The following FAM47E variants were observed in gnomAD, a reference collection of about 807,000 sequenced individuals.
The protein encoded by FAM47E is protein FAM47E.
FAM47E carries 32 observed loss-of-function variants against 41.6 expected under a neutral mutation model. The observed-to-expected ratio is 0.77, with a 90% CI of 0.58 to 1.03. The LOEUF (loss-of-function observed/expected upper bound fraction) is 1.03, where lower values mean the gene tolerates loss of function less well. Among genes scored for constraint, FAM47E ranks in the 50% least tolerant of loss-of-function variants. The pLI, the probability that FAM47E is intolerant of heterozygous loss-of-function variation, is 0.00. For missense variants in FAM47E, 424 were observed against 485.4 expected (o/e 0.87, Z 1.19); for synonymous variants, 184 against 188.7 (o/e 0.98, Z 0.20).
At chr4:76,274,008 C>CATAGTTAT (rs1487196911) in intron 5 of FAM47E, among the ~76,000 whole-genome samples, 3 of 152,142 alleles carry the variant, frequency 2.0e-5, no homozygotes, top group African/African-American at 7.2e-5. Context: ...GCATAAAAAA[C>CATAGTTAT]ATAGTTATAA....
intron 2 of FAM47E, among the ~76,000 whole-genome samples, chr4:76,227,874 C>T (rs963821651): frequency 2.0e-5 from 3 of 152,098 alleles, no homozygotes; most frequent in Non-Finnish European, 2.9e-5. Context: ...TGTTCATTTG[C>T]CTAGAATATC....
chr4:76,278,439 C>T (rs921073744), intron 6 of FAM47E: 22 of 466,958 alleles, frequency 4.7e-5, no homozygotes, highest in Non-Finnish European at 2.9e-5. Context: ...GTAGACATGA[C>T]ATCTCTAAAG....
rs999860333 is a variant in FAM47E, at chr4:76,280,360, C to G, written c.1104+19C>G. ...GCCACGTGTGAGTAAAGGGTCCTTT[C>G]AGAAGGCCCTGCTGAGGGGCTTCAT... On this transcript the variant is annotated intron_variant, in intron 7 of 7. Transcript: ENST00000424749. 15 of 1,425,348 alleles carry G rather than the reference C, an allele frequency of 1.1e-5. No homozygotes were observed. In the African/African-American group the frequency reaches 2.0e-4, roughly 19 times the overall value. The allele number at this position is 1,425,348 out of a possible 1,614,324, so 88.3% of individuals were successfully genotyped here. A position where few individuals can be genotyped will look rare whatever the true frequency, so the allele number is the denominator to read the frequency against.
chr4:76,255,752 G>C (rs1734163065), intron 1 of FAM47E, among the ~76,000 whole-genome samples: 1 of 152,122 alleles, frequency 6.6e-6, no homozygotes, highest in Non-Finnish European at 1.5e-5. Context: ...TACATAGAGT[G>C]ACATGGAAGG....
chr4:76,237,361 T>G (rs113303952), intron 2 of FAM47E, among the ~76,000 whole-genome samples: 17,148 of 111,116 alleles, frequency 0.15, 1,342 homozygotes, highest in East Asian at 0.46. Flanking sequence ...GTTTTTTTTT[T>G]TTTGTTTGTT....
At chr4:76,240,184 T>C (rs1733677762) in intron 2 of FAM47E, among the ~76,000 whole-genome samples, 1 of 152,342 alleles carries the variant, frequency 6.6e-6, no homozygotes, top group Middle Eastern at 3.4e-3. Flanking sequence ...ATAGGATTCT[T>C]AGTTGATAGT....
chr4:76,257,862 T>C (rs1354881501), intron 2 of FAM47E, among the ~76,000 whole-genome samples: 2 of 152,058 alleles, frequency 1.3e-5, no homozygotes, highest in Non-Finnish European at 2.9e-5. Flanking sequence ...GCAGGGACTT[T>C]ATTTGTGTCT....
chr4:76,278,225 G>T lies in FAM47E; in HGVS notation c.1026+1G>T. The T allele has an allele frequency of 6.5e-7, 1 of 1,532,830 alleles. No individual in the cohort carries two copies. Among genetic ancestry groups the T allele is most frequent in the Non-Finnish European group, 8.8e-7 (1 of 1,141,284 alleles). 95.0% of individuals were successfully genotyped at this position (1,532,830 alleles called of 1,614,324 possible). On this transcript the variant is annotated splice_donor_variant, in intron 6 of 7. Transcript: ENST00000424749. LOFTEE classifies it high-confidence loss of function. The stretch of plus-strand genomic sequence containing the variant: ...TTTTAAAAAGGAGCTGCAGGAACAG[G>T]TATGTATTTATACTGAGATTTGATC...
At chr4:76,270,572 T>C (rs1734844549) in intron 4 of FAM47E, among the ~76,000 whole-genome samples, 1 of 152,108 alleles carries the variant, frequency 6.6e-6, no homozygotes, top group Non-Finnish European at 1.5e-5. Flanking sequence ...CATAATCTGT[T>C]CAGATTGGAT....
At chr4:76,222,017 G>T (rs1176041368) in intron 2 of FAM47E, among the ~76,000 whole-genome samples, 1 of 152,178 alleles carries the variant, frequency 6.6e-6, no homozygotes, top group Non-Finnish European at 1.5e-5. Flanking sequence ...GATCCACCTG[G>T]TATACTAATA....
chr4:76,215,372 A>C (rs1439809928), intron 1 of FAM47E, among the ~76,000 whole-genome samples: 1 of 152,164 alleles, frequency 6.6e-6, no homozygotes, highest in African/African-American at 2.4e-5. Flanking sequence ...TTGGCTTCCA[A>C]AACCCTCACT....
intron 5 of FAM47E, among the ~76,000 whole-genome samples, chr4:76,272,952 G>A (rs1234846952): frequency 6.6e-6 from 1 of 152,080 alleles, no homozygotes; most frequent in Non-Finnish European, 1.5e-5. Flanking sequence ...GGATCTGCTG[G>A]TGATGAATTC....
chr4:76,252,676 T>C (rs1734021586), intron 1 of FAM47E, among the ~76,000 whole-genome samples: 1 of 152,176 alleles, frequency 6.6e-6, no homozygotes, highest in Non-Finnish European at 1.5e-5. Flanking sequence ...TTCATAGTTG[T>C]TTCTAGCAGT....
chr4:76,259,798 C>G (rs1734332673), intron 2 of FAM47E, among the ~76,000 whole-genome samples: 1 of 152,130 alleles, frequency 6.6e-6, no homozygotes, highest in Non-Finnish European at 1.5e-5. Flanking sequence ...ATTTCATGAT[C>G]CTACACCCAG....
In FAM47E at chr4:76,263,821, T is replaced by TC; in HGVS notation, c.539dup (p.Thr181TyrfsTer22). 6.4e-7 allele frequency: 1 copy of TC among 1,551,340 alleles called. No homozygotes were observed. The highest frequency in any genetic ancestry group is 8.7e-7 in the Non-Finnish European group (1 of 1,146,724). On this transcript the variant is annotated frameshift_variant, in exon 3 of 8. Coordinates refer to ENST00000424749, the MANE Select transcript of FAM47E (RefSeq NM_001136570.3). LOFTEE classifies it high-confidence loss of function. ...ACCCACGAAGCTTTTAAAAAAACAT[T>TC]CTACCCAAGTCTACCTGGGACCGTG...
chr4:76,216,540 CTT>C (rs1417455478), intron 1 of FAM47E, among the ~76,000 whole-genome samples: 2 of 152,184 alleles, frequency 1.3e-5, no homozygotes, highest in Non-Finnish European at 2.9e-5. Flanking sequence ...CTTCTTCTCT[CTT>C]GTCTGGGCCA....
intron 2 of FAM47E, among the ~76,000 whole-genome samples, chr4:76,225,144 T>G (rs1578751135): frequency 6.6e-6 from 1 of 152,282 alleles, no homozygotes; most frequent in East Asian, 1.9e-4. Context: ...CTGAGTAGTA[T>G]TCCATAGTAA....
At chr4:76,265,762 CAG>C (rs1473202807) in intron 3 of FAM47E, among the ~76,000 whole-genome samples, 4 of 152,120 alleles carry the variant, frequency 2.6e-5, no homozygotes, top group Admixed American at 6.6e-5. Context: ...TGTGACCTCT[CAG>C]AGGGGAAAGA....
At chr4:76,272,893 A>G (rs59199771) in intron 5 of FAM47E, among the ~76,000 whole-genome samples, 2,874 of 152,272 alleles carry the variant, frequency 0.019, 91 homozygotes, top group African/African-American at 0.066. Flanking sequence ...TCCACATAAT[A>G]TATTTTCTCT....
Sources: gnomAD v4.1 joint callset for allele counts (sites outside exome capture counted in the v4.1 genomes callset) on GRCh38, gnomAD v4.1.1 for gene constraint, MANE v1.5 for transcripts, NCBI Gene and HGNC (gene_info 2026-07-23, HGNC 2026-07-21) for gene names.